PACSIN2: variants seen among roughly 807,000 people sequenced by gnomAD.
PACSIN2 encodes protein kinase C and casein kinase substrate in neurons 2, also known as protein kinase C and casein kinase substrate in neurons protein 2.
In PACSIN2, 25 loss-of-function variants were observed where a neutral mutation model predicts 63.8. The ratio of observed to expected loss-of-function variants is 0.39; its 90% CI spans 0.29 to 0.55. The LOEUF (loss-of-function observed/expected upper bound fraction) is 0.55, where lower values mean the gene tolerates loss of function less well. PACSIN2 is among the 20% of genes least tolerant of loss of function. The pLI, the probability that PACSIN2 is intolerant of heterozygous loss-of-function variation, is 0.62. For missense variants in PACSIN2, 518 were observed against 646.9 expected, an observed-to-expected ratio of 0.80 and a Z score of 2.16; for synonymous variants, 255 against 256.2, an observed-to-expected ratio of 1.00 and a Z score of 0.05.
intron 1 of PACSIN2, among the ~76,000 whole-genome samples, chr22:42,988,484 A>C (rs1922789094): frequency 6.6e-6 from 1 of 152,252 alleles, no homozygotes; most frequent in Admixed American, 6.5e-5. Flanking sequence ...TACATTATGC[A>C]ATGAACTGAA....
intron 1 of PACSIN2, among the ~76,000 whole-genome samples, chr22:42,925,735 C>T (rs1264732305): frequency 6.6e-6 from 1 of 152,202 alleles, no homozygotes; most frequent in Non-Finnish European, 1.5e-5. Flanking sequence ...TTCGTAAACA[C>T]TACTGCACAT....
chr22:42,882,476 G>T (rs1372972347), intron 6 of PACSIN2, among the ~76,000 whole-genome samples, 172 bp from the exon 7 acceptor site: 1 of 152,132 alleles, frequency 6.6e-6, no homozygotes, highest in Non-Finnish European at 1.5e-5. Flanking sequence ...GGGCCGCCAC[G>T]TGCACAGATG....
At chr22:43,012,417 G>C (rs1195102308) in intron 1 of PACSIN2, among the ~76,000 whole-genome samples, 1 of 151,606 alleles carries the variant, frequency 6.6e-6, no homozygotes, top group East Asian at 1.9e-4. Context: ...AAAAGTTCAT[G>C]TTATCTCCCT....
intron 1 of PACSIN2, among the ~76,000 whole-genome samples, chr22:42,975,187 G>A (rs577987834): frequency 6.6e-6 from 1 of 152,284 alleles, no homozygotes; most frequent in Admixed American, 6.5e-5. Flanking sequence ...CCAATACTCA[G>A]TTATTAGCAT....
At position 42,871,364 on chromosome 22, in the gene PACSIN2, A is replaced by G. The variant is rs1244119854; in HGVS notation, c.1454T>C (p.Ile485Thr). Residue 485 changes from isoleucine (I) to threonine (T), a missense_variant, in exon 11 of 11, where the codon ATC becomes ACC. Physicochemically the swap from Ile to Thr is moderately conservative, Grantham distance 89 (BLOSUM62 -1). Transcript: ENST00000263246. The surrounding 1 kb of genome is among the most constrained non-coding windows in gnomAD (Gnocchi z 5.4). ...TGGCCTGTCCCCGACTCATCACTGG[A>G]TCGCCTCCACATAATTTGCCGGGTA... ...GLYPANYVEA[I>T]Q 6.2e-7 allele frequency: 1 copy of G among 1,610,616 alleles called. No individual in the cohort carries two copies. The highest frequency in any genetic ancestry group is 8.5e-7 in the Non-Finnish European group (1 of 1,176,902).
chr22:42,892,599 A>G (rs1165540011), intron 3 of PACSIN2, among the ~76,000 whole-genome samples: 2 of 152,150 alleles, frequency 1.3e-5, no homozygotes, highest in Non-Finnish European at 2.9e-5. Context: ...GAGCTGACCT[A>G]TCCTAGGCCC....
At chr22:42,877,779 A>G (rs1928756842) in intron 8 of PACSIN2, among the ~76,000 whole-genome samples, 1 of 152,092 alleles carries the variant, frequency 6.6e-6, no homozygotes, top group Admixed American at 6.5e-5. Flanking sequence ...GGGCCCTGGC[A>G]CCCCACCAAG....
At chr22:42,943,798 T>C (rs567707951) in intron 1 of PACSIN2, among the ~76,000 whole-genome samples, 12 of 152,264 alleles carry the variant, frequency 7.9e-5, no homozygotes, top group South Asian at 4.2e-4. Flanking sequence ...GAAAAGAAAT[T>C]TGTGATAATA....
chr22:42,925,910 G>A lies in PACSIN2; in HGVS notation c.-77-13753C>T, dbSNP rs1311615240. ...TATGTCACCAGCCTTGGCTCAGCTC[G>A]GGCTATTCATGTATGTCCAGTCAGT... On this transcript the variant is annotated intron_variant, in intron 1 of 10. Transcript: ENST00000263246. Among the ~76,000 whole-genome samples the A allele has an allele frequency of 4.6e-5, 7 of 152,066 alleles. No individual in the cohort carries two copies. In the South Asian group the frequency reaches 1.2e-3, roughly 27 times the overall value.
At chr22:42,903,805 T>C (rs1569247805) in intron 2 of PACSIN2, among the ~76,000 whole-genome samples, 1 of 152,338 alleles carries the variant, frequency 6.6e-6, no homozygotes, top group East Asian at 1.9e-4. Flanking sequence ...AGTCCTGTCC[T>C]TTCCTCGGGG....
chr22:42,920,131 A>G (rs1020911682), intron 1 of PACSIN2, among the ~76,000 whole-genome samples: 2 of 152,198 alleles, frequency 1.3e-5, no homozygotes. Context: ...AAAATTAAAA[A>G]TAAGAAAGAA....
At chr22:42,991,812 CAAAAA>C (rs58208243) in intron 1 of PACSIN2, among the ~76,000 whole-genome samples, 5 of 119,826 alleles carry the variant, frequency 4.2e-5, no homozygotes, top group Admixed American at 7.9e-5. Flanking sequence ...TATCCACAGA[CAAAAA>C]AAAAAAAAAA....
At chr22:42,939,592 G>A (rs1569299770) in intron 1 of PACSIN2, among the ~76,000 whole-genome samples, 2 of 152,140 alleles carry the variant, frequency 1.3e-5, no homozygotes, top group Non-Finnish European at 2.9e-5. Flanking sequence ...ACAGGGCAAC[G>A]TTTTTAACAG....
Position 42,982,887 on chromosome 22 carries a change from A to AAAAAAAAAAAAAAAAAAAAAC in PACSIN2, c.-78+32133_-78+32134insGTTTTTTTTTTTTTTTTTTTT, listed in dbSNP as rs200348918. ...TGATCAATAAAAAAAAAAAAAAAAA[A>AAAAAAAAAAAAAAAAAAAAAC]AAACAACAACAAGGCTAGGAGCAGT... On this transcript the variant is annotated intron_variant, in intron 1 of 10. Coordinates refer to ENST00000263246, the MANE Select transcript of PACSIN2 (RefSeq NM_001184970.3). 3.5e-4 allele frequency among the ~76,000 whole-genome samples: 45 copies of AAAAAAAAAAAAAAAAAAAAAC among 129,526 alleles called. 2 individuals are homozygous for AAAAAAAAAAAAAAAAAAAAAC. Among genetic ancestry groups the AAAAAAAAAAAAAAAAAAAAAC allele is most frequent in the Non-Finnish European group, 6.6e-4 (39 of 58,736 alleles). The allele number at this position is 129,526 out of a possible 152,430, so 85.0% of individuals were successfully genotyped here.
intron 7 of PACSIN2, 120 bp downstream of exon 7, chr22:42,882,064 G>T: frequency 8.2e-7 from 1 of 1,215,148 alleles, no homozygotes; most frequent in Non-Finnish European, 1.2e-6. Context: ...CCTAAAGGCT[G>T]CCTGATAAAC....
In PACSIN2 at chr22:42,965,269, G is replaced by C. The variant is rs1920943370; in HGVS notation, c.-78+49752C>G. 3.9e-5 allele frequency among the ~76,000 whole-genome samples: 6 copies of C among 152,306 alleles called. No homozygotes were observed. The South Asian group carries it at 1.2e-3, about 32-fold the overall frequency. On this transcript the variant is annotated intron_variant, in intron 1 of 10. Coordinates refer to ENST00000263246, the MANE Select transcript of PACSIN2 (RefSeq NM_001184970.3). ...ACAGATTAATGTTTGCCAGGGCCAG[G>C]GGGCAGGGTGGGGGACTGACTTCAA... is the stretch of plus-strand genomic sequence containing the variant.
At chr22:42,893,374 T>A in intron 3 of PACSIN2, 83 bp downstream of exon 3, 1 of 1,392,568 alleles carries the variant, frequency 7.2e-7, no homozygotes, top group South Asian at 1.2e-5. Context: ...AAAACTGGCA[T>A]AGAGAGGGTC....
At chr22:43,014,162 G>C (rs1456088598) in intron 1 of PACSIN2, among the ~76,000 whole-genome samples, 2 of 151,906 alleles carry the variant, frequency 1.3e-5, no homozygotes, top group African/African-American at 4.9e-5. Context: ...AGGATGCCTG[G>C]CCAGGCTTGA....
At chr22:42,914,889 G>A (rs981871961) in intron 1 of PACSIN2, among the ~76,000 whole-genome samples, 5 of 152,184 alleles carry the variant, frequency 3.3e-5, no homozygotes, top group Non-Finnish European at 7.3e-5. Flanking sequence ...CTGACAAAGC[G>A]TCTTGTCTGT....
Sources: allele counts gnomAD v4.1 joint callset (sites outside exome capture counted in the v4.1 genomes callset), GRCh38; gene constraint gnomAD v4.1.1; non-coding constraint Gnocchi (gnomAD v3.1); transcripts MANE v1.5; gene names NCBI Gene and HGNC (gene_info 2026-07-23, HGNC 2026-07-21).